The following RPS6KA2 variants were observed in gnomAD, a reference collection of about 807,000 sequenced individuals.
RPS6KA2 encodes the protein ribosomal protein S6 kinase A2.
Under a neutral mutation model 91.8 loss-of-function variants are expected in RPS6KA2, and 42 were observed. The observed-to-expected ratio is 0.46, with a 90% CI of 0.36 to 0.59. The LOEUF (loss-of-function observed/expected upper bound fraction) is 0.59. Ranked by LOEUF, RPS6KA2 falls within the 20% of genes least tolerant of loss-of-function variation. RPS6KA2 has a pLI of 0.00. For synonymous variants in RPS6KA2, 414 were observed against 393.6 expected, an observed-to-expected ratio of 1.05 and a Z score of -0.61; for missense variants, 798 against 978.5, an observed-to-expected ratio of 0.82 and a Z score of 2.46.
intron 13 of RPS6KA2, among the ~76,000 whole-genome samples, chr6:166,450,486 A>G (rs1444195637): frequency 3.8e-5 from 5 of 131,540 alleles, no homozygotes; most frequent in African/African-American, 1.5e-4. Context: ...CCCAGGGACC[A>G]CCCTGGGAGA....
upstream of RPS6KA2, chr6:166,627,268 C>G: frequency 1.0e-6 from 1 of 1,003,586 alleles, no homozygotes; most frequent in Non-Finnish European, 1.2e-6. Context: ...GCCGGCCACG[C>G]GCCACGCCTA....
intron 2 of RPS6KA2, among the ~76,000 whole-genome samples, chr6:166,743,159 G>A (rs1029568193): frequency 5.9e-5 from 9 of 151,474 alleles, no homozygotes; most frequent in South Asian, 2.1e-4. Context: ...GGCCAGCTCC[G>A]TGGCCCCCAC....
At chr6:166,860,784 A>C (rs964870053) in intron 1 of RPS6KA2, among the ~76,000 whole-genome samples, 2 of 152,210 alleles carry the variant, frequency 1.3e-5, no homozygotes, top group African/African-American at 2.4e-5. Context: ...TCGTTCACTA[A>C]TTCAATATTT....
At chr6:166,709,075 G>A (rs1301407288) in intron 2 of RPS6KA2, among the ~76,000 whole-genome samples, 5 of 152,246 alleles carry the variant, frequency 3.3e-5, no homozygotes, top group African/African-American at 1.2e-4. Context: ...TCCCCCAGCC[G>A]GGTACTATCG....
chr6:166,827,561 C>T (rs1780081354), intron 2 of RPS6KA2, among the ~76,000 whole-genome samples: 1 of 152,158 alleles, frequency 6.6e-6, no homozygotes, highest in Admixed American at 6.5e-5. Context: ...TTTTAGAGAG[C>T]CACTGTCTGT....
intron 11 of RPS6KA2, among the ~76,000 whole-genome samples, chr6:166,468,868 A>AAAAAAG: frequency 6.6e-6 from 1 of 151,674 alleles, no homozygotes; most frequent in Non-Finnish European, 1.5e-5. Context: ...AAAAAAAAAA[A>AAAAAAG]AAAAAGAAGA....
intron 11 of RPS6KA2, chr6:166,463,183 T>G (rs1374389544): frequency 6.6e-6 from 1 of 152,246 alleles, no homozygotes; most frequent in Admixed American, 6.5e-5. Flanking sequence ...GTTATTACTG[T>G]GTATGCTTTT....
chr6:166,661,176 C>T (rs1416142936), intron 2 of RPS6KA2, among the ~76,000 whole-genome samples: 3 of 152,144 alleles, frequency 2.0e-5, no homozygotes, highest in Non-Finnish European at 4.4e-5. Flanking sequence ...TCTCAGCTCA[C>T]TACAACCCCT....
intron 19 of RPS6KA2, among the ~76,000 whole-genome samples, chr6:166,415,665 C>G (rs1466209960): frequency 2.0e-5 from 3 of 152,130 alleles, no homozygotes; most frequent in Admixed American, 2.0e-4. Context: ...TCCAGACACA[C>G]CACCAGCACC....
rs1787345059 is a variant in RPS6KA2, at chr6:166,639,213, G to C, written c.124-100429C>G. Among the ~76,000 whole-genome samples the C allele has an allele frequency of 6.6e-6, 1 of 152,162 alleles. No individual in the cohort carries two copies. The highest frequency in any genetic ancestry group is 1.5e-5 in the Non-Finnish European group (1 of 68,026). ...GAAAACTCCCCTATTCAACTGTATT[G>C]TCTTATGCAAGGCATAACCATGTGC... On this transcript the variant is annotated intron_variant, in intron 2 of 21. Transcript: ENST00000503859. This position sits in a 1 kb window ranked among gnomAD's most constrained non-coding sequence, Gnocchi z 4.2.
At chr6:166,690,790 T>A (rs765099952) in intron 2 of RPS6KA2, among the ~76,000 whole-genome samples, 1 of 152,156 alleles carries the variant, frequency 6.6e-6, no homozygotes, top group Non-Finnish European at 1.5e-5. Context: ...TAGCAAACAC[T>A]GCCCCTGCAC....
intron 10 of RPS6KA2, among the ~76,000 whole-genome samples, chr6:166,485,495 TTG>T: frequency 6.6e-6 from 1 of 151,574 alleles, no homozygotes; most frequent in Non-Finnish European, 1.5e-5. Flanking sequence ...TACATCCACA[TTG>T]CTCTTAGGGC....
At position 166,852,585 on chromosome 6, in the gene RPS6KA2, A is replaced by G. The variant is rs1444274785; in HGVS notation, c.123+5615T>C. Among the ~76,000 whole-genome samples, 1 of 151,494 alleles carries G rather than the reference A, an allele frequency of 6.6e-6. No individual in the cohort carries two copies. The highest frequency in any genetic ancestry group is 1.5e-5 in the Non-Finnish European group (1 of 67,852). ...CACACCCGGCCTGGCTCTCTCTTTC[A>G]CCCTTTCTGCCTGTTGCCACGAGTC... On this transcript the variant is annotated intron_variant, in intron 2 of 21. Transcript: ENST00000503859. This position sits in a 1 kb window ranked among gnomAD's most constrained non-coding sequence, Gnocchi z 4.1.
chr6:166,463,460 C>G (rs958656324), intron 11 of RPS6KA2: 1 of 152,204 alleles, frequency 6.6e-6, no homozygotes, highest in African/African-American at 2.4e-5. Context: ...CATTTAAAAT[C>G]ATCTCATTTG....
chr6:166,586,806 A>G (rs1014833525), intron 1 of RPS6KA2, among the ~76,000 whole-genome samples: 27 of 152,382 alleles, frequency 1.8e-4, no homozygotes, highest in Non-Finnish European at 3.4e-4. Flanking sequence ...ACACAAAGTC[A>G]AATTTCAGCA....
At chr6:166,467,091 T>A (rs28435177) in intron 11 of RPS6KA2, among the ~76,000 whole-genome samples, 1 of 144,768 alleles carries the variant, frequency 6.9e-6, no homozygotes, top group African/African-American at 2.6e-5. Context: ...CCCTCACTCA[T>A]TCACTCTCTA....
At chr6:166,548,861 G>A (rs146691865) in intron 1 of RPS6KA2, among the ~76,000 whole-genome samples, 10 of 152,192 alleles carry the variant, frequency 6.6e-5, no homozygotes, top group African/African-American at 1.9e-4. Context: ...TAAAGCTTTT[G>A]CTTTGCAAAG....
In RPS6KA2 at chr6:166,737,631, A is replaced by T. The variant is rs1790705763; in HGVS notation, c.123+120569T>A. Among the ~76,000 whole-genome samples, 1 of 152,134 alleles carries T rather than the reference A, an allele frequency of 6.6e-6. No homozygotes were observed. Among genetic ancestry groups the T allele is most frequent in the Admixed American group, 6.5e-5 (1 of 15,278 alleles). ...CTCCTTTTAAGCTTCTAAGACATTC[A>T]CTGAGGGGCCCCTCCCAGCTTTCCA... On this transcript the variant is annotated intron_variant, in intron 2 of 21. Transcript: ENST00000503859. This position sits in a 1 kb window ranked among gnomAD's most constrained non-coding sequence, Gnocchi z 4.3.
chr6:166,713,371 GA>G (rs1471221883), intron 2 of RPS6KA2, among the ~76,000 whole-genome samples: 1 of 152,216 alleles, frequency 6.6e-6, no homozygotes, highest in African/African-American at 2.4e-5. Context: ...TAAAATGAGA[GA>G]AAAGTAAATT....
Sources: gnomAD v4.1 joint callset for allele counts (sites outside exome capture counted in the v4.1 genomes callset) on GRCh38, gnomAD v4.1.1 for gene constraint, Gnocchi (gnomAD v3.1) non-coding constraint, MANE v1.5 for transcripts, NCBI Gene and HGNC (gene_info 2026-07-23, HGNC 2026-07-21) for gene names.